The following ONECUT1 variants were observed in gnomAD, a reference collection of about 807,000 sequenced individuals.
ONECUT1 encodes hepatocyte nuclear factor 6.
A neutral mutation model predicts 25.6 loss-of-function variants in ONECUT1; 12 were observed. The ratio of observed to expected loss-of-function variants is 0.47; its 90% CI spans 0.30 to 0.76. The LOEUF is 0.76. ONECUT1 is among the 30% of genes least tolerant of loss of function. ONECUT1 has a pLI of 0.07. For missense variants in ONECUT1, 620 were observed against 651.2 expected (o/e 0.95, Z 0.52); for synonymous variants, 285 against 270.2 (o/e 1.05, Z -0.54).
intron 1 of ONECUT1, among the ~76,000 whole-genome samples, chr15:52,785,081 A>G (rs2141463989): frequency 6.6e-6 from 1 of 152,368 alleles, no homozygotes; most frequent in Admixed American, 6.5e-5. Flanking sequence ...CCTGCGTCCC[A>G]CACGCCCAGT....
chr15:52,760,505 A>C (rs1310576918), intron 1 of ONECUT1, among the ~76,000 whole-genome samples: 5 of 152,232 alleles, frequency 3.3e-5, no homozygotes, highest in Non-Finnish European at 7.3e-5. Context: ...GAGTATAAAA[A>C]GAGTGTACAG....
At chr15:52,771,909 A>G (rs932544622) in intron 1 of ONECUT1, among the ~76,000 whole-genome samples, 2 of 152,236 alleles carry the variant, frequency 1.3e-5, no homozygotes, top group Non-Finnish European at 1.5e-5. Context: ...TCAGAATCTT[A>G]AGAGTGGCCT....
Position 52,757,528 on chromosome 15 carries a change from C to T in ONECUT1, c.*27G>A, listed in dbSNP as rs549715705. On this transcript the variant is annotated 3_prime_UTR_variant, in exon 2 of 2. Coordinates refer to ENST00000305901, the MANE Select transcript of ONECUT1 (RefSeq NM_004498.4). ...TTTTTTTTAATTTAAAGCTTTTCCACCGAGGTTTTAGTTTGTGGTTCTTCC... is the reference window on the plus strand; with the variant it reads ...TTTTTTTTAATTTAAAGCTTTTCCATCGAGGTTTTAGTTTGTGGTTCTTCC... The T allele has an allele frequency of 2.5e-6, 4 of 1,572,002 alleles. No individual in the cohort carries two copies. The South Asian group carries it at 3.6e-5, about 14-fold the overall frequency.
rs978538137 is a variant in ONECUT1 at position 52,757,033 on chromosome 15, G to A, written c.*522C>T. 3 of 153,010 alleles carry A rather than the reference G, an allele frequency of 2.0e-5. No homozygotes were observed. The highest frequency in any genetic ancestry group is 7.2e-5 in the African/African-American group (3 of 41,396). The allele number at this position is 153,010 out of a possible 1,614,324, so 9.5% of individuals were successfully genotyped here. ...CGGGCCTGGCAGGTTCAAACGTTAG[G>A]CTAGACGAGCAAAATCACACTCCTA... On this transcript the variant is annotated 3_prime_UTR_variant, in exon 2 of 2. Coordinates refer to ENST00000305901, the MANE Select transcript of ONECUT1 (RefSeq NM_004498.4).
intron 1 of ONECUT1, among the ~76,000 whole-genome samples, chr15:52,758,456 G>GT (rs531119421): frequency 1.6e-4 from 25 of 152,064 alleles, no homozygotes; most frequent in South Asian, 1.2e-3. Context: ...TAAGTATATA[G>GT]TTTTTTTTAT....
intron 1 of ONECUT1, among the ~76,000 whole-genome samples, chr15:52,779,254 T>A (rs938543687): frequency 4.0e-5 from 6 of 150,622 alleles, no homozygotes; most frequent in African/African-American, 1.5e-4. Context: ...CGGCTAATAT[T>A]TTTTTTTTGT....
chr15:52,790,142 TTAATA>T lies in ONECUT1; in HGVS notation c.-263_-259del. On this transcript the variant is annotated 5_prime_UTR_variant, in exon 1 of 2. Coordinates refer to ENST00000305901, the MANE Select transcript of ONECUT1 (RefSeq NM_004498.4). ...CTCTGCGTCCTCGGCTTTTTTTTTT[TTAATA>T]TTAATTTCCAAAGAGGATCCGCGCC... 7 of 444,100 alleles carry T rather than the reference TTAATA, an allele frequency of 1.6e-5. No homozygotes were observed. The highest frequency in any genetic ancestry group is 2.6e-5 in the Non-Finnish European group (7 of 273,720). 27.5% of individuals were successfully genotyped at this position (444,100 alleles called of 1,614,324 possible).
At chr15:52,780,714 C>T (rs1266110909) in intron 1 of ONECUT1, 2 of 1,502,796 alleles carry the variant, frequency 1.3e-6, no homozygotes, top group Admixed American at 2.3e-5. Context: ...GCGCTTCGCT[C>T]GTTTGTTTAT....
intron 1 of ONECUT1, among the ~76,000 whole-genome samples, chr15:52,777,944 G>A (rs7180600): frequency 0.23 from 35,645 of 151,994 alleles, 5,451 homozygotes; most frequent in African/African-American, 0.44. Flanking sequence ...ATGGCTGAAT[G>A]TAATTCCTAT....
intron 1 of ONECUT1, among the ~76,000 whole-genome samples, chr15:52,777,566 C>T (rs1291344345): frequency 6.6e-6 from 1 of 152,034 alleles, no homozygotes; most frequent in Non-Finnish European, 1.5e-5. Context: ...GGAGTTTAGC[C>T]AGGGCCCCCA....
Position 52,789,678 on chromosome 15 carries a change from G to C in ONECUT1, c.207C>G (p.His69Gln), listed in dbSNP as rs758691271. The change falls in exon 1 of 2, where the codon CAC (histidine) becomes CAG (glutamine). Residue 69 changes from histidine (H) to glutamine (Q), a missense_variant. His to Gln is a conservative substitution (Grantham distance 24). Around this residue, in one of 4 missense-constraint regions of ONECUT1, gnomAD observed 440 missense variants for 404.9 expected, o/e 1.09. Transcript: ENST00000305901. The surrounding 1 kb of genome is among the most constrained non-coding windows in gnomAD (Gnocchi z 4.1). ...LDGGSGGGDY[H>Q]HHHRAPEHSL... ...TGTGCTCAGGGGCCCGGTGGTGGTG[G>C]TGGTAATCTCCGCCGCCGCTGCCGC... 1.3e-6 allele frequency: 2 copies of C among 1,512,058 alleles called. No individual in the cohort carries two copies. The highest frequency in any genetic ancestry group is 1.8e-6 in the Non-Finnish European group (2 of 1,135,568). 93.7% of individuals were successfully genotyped at this position (1,512,058 alleles called of 1,614,324 possible). A position where few individuals can be genotyped will look rare whatever the true frequency, so the allele number is the denominator to read the frequency against.
intron 1 of ONECUT1, among the ~76,000 whole-genome samples, chr15:52,763,646 C>T (rs2083718336): frequency 6.6e-6 from 1 of 152,218 alleles, no homozygotes; most frequent in Non-Finnish European, 1.5e-5. Context: ...AGCATCAACA[C>T]TTTCTAGCTT....
chr15:52,757,922 A>C, intron 1 of ONECUT1, 75 bp from the exon 2 acceptor site: 1 of 1,501,380 alleles, frequency 6.7e-7, no homozygotes, highest in Non-Finnish European at 9.0e-7. Context: ...GAGCTCATAA[A>C]ATTTGTTAGC....
chr15:52,763,745 G>T (rs1013627853), intron 1 of ONECUT1, among the ~76,000 whole-genome samples: 14 of 152,166 alleles, frequency 9.2e-5, no homozygotes, highest in Admixed American at 8.5e-4. Context: ...GTTTCTCAGA[G>T]TGTGGTTGGC....
chr15:52,763,156 G>A (rs1425801193), intron 1 of ONECUT1, among the ~76,000 whole-genome samples: 5 of 146,324 alleles, frequency 3.4e-5, no homozygotes, highest in Non-Finnish European at 7.8e-5. Context: ...GCCATTGTTG[G>A]TGAAAGGTAG....
intron 1 of ONECUT1, among the ~76,000 whole-genome samples, chr15:52,781,456 C>A (rs904257714): frequency 6.6e-6 from 1 of 152,178 alleles, no homozygotes; most frequent in African/African-American, 2.4e-5. Flanking sequence ...TATGTAGAGA[C>A]TTTTGAATCA....
chr15:52,774,307 ATTTATTTT>A lies in ONECUT1; in HGVS notation c.1105+14465_1105+14472del, dbSNP rs1247871725. 5.6e-4 allele frequency among the ~76,000 whole-genome samples: 85 copies of A among 152,032 alleles called. 2 individuals are homozygous for A. Among genetic ancestry groups the A allele is most frequent in the Admixed American group, 5.4e-3 (82 of 15,252 alleles). ...AATGAAGTTATTTATTTATTTATTT[ATTTATTTT>A]TTGAGACAGAGTTTCGCTCTTGTTG... On this transcript the variant is annotated intron_variant, in intron 1 of 1. Coordinates refer to ENST00000305901, the MANE Select transcript of ONECUT1 (RefSeq NM_004498.4).
At chr15:52,762,908 A>T (rs2083713907) in intron 1 of ONECUT1, among the ~76,000 whole-genome samples, 1 of 152,074 alleles carries the variant, frequency 6.6e-6, no homozygotes, top group East Asian at 1.9e-4. Context: ...CAGAGTAGAG[A>T]TTACCCATTG....
rs72061188 is a variant in ONECUT1 at position 52,790,066 on chromosome 15, C to CGTGT, written c.-186_-183dup. On this transcript the variant is annotated 5_prime_UTR_variant, in exon 1 of 2. Coordinates refer to ENST00000305901, the MANE Select transcript of ONECUT1 (RefSeq NM_004498.4). ...GTGTGTGTGTCCGTGTGTGCGTGTG[C>CGTGT]GTGTGTGTGTGTGTGTGTGTCTCGC... is the stretch of plus-strand genomic sequence containing the variant. 13 of 697,552 alleles carry CGTGT rather than the reference C, an allele frequency of 1.9e-5. No homozygotes were observed. Among genetic ancestry groups the CGTGT allele is most frequent in the East Asian group, 3.6e-5 (1 of 27,532 alleles). The allele number at this position is 697,552 out of a possible 1,614,324, so 43.2% of individuals were successfully genotyped here. A position where few individuals can be genotyped will look rare whatever the true frequency, so the allele number is the denominator to read the frequency against.
Sources: allele counts gnomAD v4.1 joint callset (sites outside exome capture counted in the v4.1 genomes callset), GRCh38; gene constraint gnomAD v4.1.1; regional missense constraint gnomAD v4.1.1; non-coding constraint Gnocchi (gnomAD v3.1); transcripts MANE v1.5; gene names NCBI Gene and HGNC (gene_info 2026-07-23, HGNC 2026-07-21).